The following DPCD variants were observed in gnomAD, a reference collection of about 807,000 sequenced individuals.
DPCD encodes deleted in primary ciliary dyskinesia homolog (mouse), also known as protein DPCD.
In DPCD, 20 loss-of-function variants were observed where a neutral mutation model predicts 26.4. The observed-to-expected ratio is 0.76, with a 90% CI of 0.53 to 1.10. The LOEUF (loss-of-function observed/expected upper bound fraction) is 1.10, where lower values mean the gene tolerates loss of function less well. DPCD is among the 50% of genes least tolerant of loss of function. DPCD has a pLI of 0.00. For missense variants in DPCD, 202 were observed against 253.9 expected, an observed-to-expected ratio of 0.80 and a Z score of 1.39; for synonymous variants, 97 against 94.2, an observed-to-expected ratio of 1.03 and a Z score of -0.17.
At chr10:101,605,276 G>T (rs1173474968) in intron 4 of DPCD, 17 of 1,541,504 alleles carry the variant, frequency 1.1e-5, no homozygotes, top group Non-Finnish European at 1.5e-5. Flanking sequence ...AGCCTCCAGA[G>T]TCTCTCTCCC....
In DPCD at chr10:101,588,383, C is replaced by T; in HGVS notation, c.47C>T (p.Thr16Ile). 6.3e-7 allele frequency: 1 copy of T among 1,597,152 alleles called. No homozygotes were observed. The highest frequency in any genetic ancestry group is 8.5e-7 in the Non-Finnish European group (1 of 1,170,418). ...WLESLRTAQK[T>I]ALLQDGRRKV... is the part of the protein sequence containing the mutation. ...GAGAGTCTGCGGACAGCCCAGAAGACTGCGCTGCTGCAGGACGGTAACTCG... is the reference window on the plus strand; with the variant it reads ...GAGAGTCTGCGGACAGCCCAGAAGATTGCGCTGCTGCAGGACGGTAACTCG... Residue 16 changes from threonine (T) to isoleucine (I), a missense_variant, in exon 1 of 6, where the codon ACT (threonine) becomes ATT (isoleucine). By Grantham distance (89) the Thr-to-Ile change is moderately conservative (BLOSUM62 -1). Transcript: ENST00000370151.
chr10:101,590,956 C>T (rs146608711), intron 1 of DPCD, among the ~76,000 whole-genome samples: 8 of 152,278 alleles, frequency 5.3e-5, no homozygotes, highest in South Asian at 2.1e-4. Context: ...TGGATACTTC[C>T]AGCTGTGCCA....
chr10:101,588,473 G>A (rs2063521338), intron 1 of DPCD, 73 bp downstream of exon 1: 3 of 1,539,350 alleles, frequency 1.9e-6, no homozygotes, highest in Non-Finnish European at 2.6e-6. Context: ...GGGCCTCAGG[G>A]CCTGGGTCGG....
intron 1 of DPCD, among the ~76,000 whole-genome samples, chr10:101,593,941 C>G (rs995958673): frequency 6.6e-6 from 1 of 152,046 alleles, no homozygotes; most frequent in African/African-American, 2.4e-5. Context: ...TTTAGGAAAC[C>G]ATAGCATGGG....
intron 2 of DPCD, chr10:101,596,689 C>T (rs1446550354): frequency 6.6e-6 from 1 of 152,176 alleles, no homozygotes; most frequent in East Asian, 1.9e-4. Context: ...ACTCTTCTTC[C>T]TATCCACCAC....
intron 5 of DPCD, 157 bp downstream of exon 5, chr10:101,609,094 G>A: frequency 1.4e-6 from 1 of 704,410 alleles, no homozygotes; most frequent in Admixed American, 2.5e-5. Flanking sequence ...GGGGAGAGCA[G>A]GGAGGGGGCT....
chr10:101,591,981 C>T (rs972497659), intron 1 of DPCD, among the ~76,000 whole-genome samples: 23 of 152,062 alleles, frequency 1.5e-4, no homozygotes, highest in African/African-American at 4.8e-4. Context: ...CCGCCTCGCC[C>T]AGCCCATAAT....
Position 101,600,731 on chromosome 10 carries a change from TC to T in DPCD, c.146-3del. On this transcript the variant is annotated splice_polypyrimidine_tract_variant and splice_region_variant and intron_variant, in intron 2 of 5. Coordinates refer to ENST00000370151, the MANE Select transcript of DPCD (RefSeq NM_015448.3). The surrounding 1 kb of genome is among the most constrained non-coding windows in gnomAD (Gnocchi z 4.7). ...CTTCTCATCCCGATGCTTGCTTCTC[TC>T]CCCAGTGAGAAAGTGGCGTGTGAAA... The T allele has an allele frequency of 1.2e-6, 2 of 1,611,288 alleles. No individual in the cohort carries two copies. The highest frequency in any genetic ancestry group is 1.7e-6 in the Non-Finnish European group (2 of 1,178,864).
At chr10:101,598,718 A>G (rs2063671801) in intron 2 of DPCD, among the ~76,000 whole-genome samples, 3 of 134,266 alleles carry the variant, frequency 2.2e-5, no homozygotes, top group Admixed American at 9.2e-5. Flanking sequence ...TCCACCTCCC[A>G]GGTTCAAGCG....
At chr10:101,607,353 C>T (rs770883735) in intron 4 of DPCD, among the ~76,000 whole-genome samples, 4 of 152,312 alleles carry the variant, frequency 2.6e-5, no homozygotes, top group Non-Finnish European at 4.4e-5. Flanking sequence ...ATTCCATCCC[C>T]GGTTTGCAGG....
At position 101,609,541 on chromosome 10, in the gene DPCD, C is replaced by G; in HGVS notation, c.*70C>G. The G allele has an allele frequency of 1.4e-6, 2 of 1,392,194 alleles. No homozygotes were observed. Among genetic ancestry groups the G allele is most frequent in the Non-Finnish European group, 1.0e-6 (1 of 996,188 alleles). The allele number at this position is 1,392,194 out of a possible 1,614,324, so 86.2% of individuals were successfully genotyped here. A position where few individuals can be genotyped will look rare whatever the true frequency, so the allele number is the denominator to read the frequency against. ...ACTTCAAGGCTTGGCCCTTCTTGACCACGGCAGCCTCCTGTCTTCTAGGAG... is the reference window on the plus strand; with the variant it reads ...ACTTCAAGGCTTGGCCCTTCTTGACGACGGCAGCCTCCTGTCTTCTAGGAG... On this transcript the variant is annotated 3_prime_UTR_variant, in exon 6 of 6. Coordinates refer to ENST00000370151, the MANE Select transcript of DPCD (RefSeq NM_015448.3).
rs983227979 is a variant in DPCD at position 101,600,300 on chromosome 10, C to T, written c.146-438C>T. Among the ~76,000 whole-genome samples, 2 of 152,120 alleles carry T rather than the reference C, an allele frequency of 1.3e-5. No individual in the cohort carries two copies. Among genetic ancestry groups the T allele is most frequent in the Non-Finnish European group, 2.9e-5 (2 of 68,020 alleles). On this transcript the variant is annotated intron_variant, in intron 2 of 5. Coordinates refer to ENST00000370151, the MANE Select transcript of DPCD (RefSeq NM_015448.3). This position sits in a 1 kb window ranked among gnomAD's most constrained non-coding sequence, Gnocchi z 4.7. ...ACAGACCTGCCGAACAGCTTTCACC[C>T]TCTTAATTATTTTTTCCTCTGCATG...
At chr10:101,605,362 G>C in intron 4 of DPCD, 1 of 1,215,632 alleles carries the variant, frequency 8.2e-7, no homozygotes, top group Non-Finnish European at 1.1e-6. Flanking sequence ...AGAGTGGTGG[G>C]AGGCAATAGA....
In DPCD at chr10:101,609,571, C is replaced by A; in HGVS notation, c.*100C>A. 1 of 1,034,774 alleles carries A rather than the reference C, an allele frequency of 9.7e-7. No individual in the cohort carries two copies. The highest frequency in any genetic ancestry group is 2.5e-5 in the East Asian group (1 of 39,650). The allele number at this position is 1,034,774 out of a possible 1,614,324, so 64.1% of individuals were successfully genotyped here. On this transcript the variant is annotated 3_prime_UTR_variant, in exon 6 of 6. Coordinates refer to ENST00000370151, the MANE Select transcript of DPCD (RefSeq NM_015448.3). ...CAGCCTCCTGTCTTCTAGGAGCTATCAAGGGTCTCTAAGAACTGGGCATGG... is the reference window on the plus strand; with the variant it reads ...CAGCCTCCTGTCTTCTAGGAGCTATAAAGGGTCTCTAAGAACTGGGCATGG...
At chr10:101,599,886 A>G (rs1399526729) in intron 2 of DPCD, among the ~76,000 whole-genome samples, 1 of 152,194 alleles carries the variant, frequency 6.6e-6, no homozygotes, top group East Asian at 1.9e-4. Context: ...GGGGGATAGG[A>G]GGTCATGGCT....
At chr10:101,601,083 G>C (rs928481484) in intron 3 of DPCD, 120 bp from the exon 4 acceptor site, 1 of 1,512,520 alleles carries the variant, frequency 6.6e-7, no homozygotes, top group African/African-American at 1.4e-5. Context: ...CAATAGCAGC[G>C]TCAGAGGGGA....
chr10:101,600,878 C>T lies in DPCD; in HGVS notation c.270+16C>T. On this transcript the variant is annotated intron_variant, in intron 3 of 5. Transcript: ENST00000370151. The surrounding 1 kb of genome is among the most constrained non-coding windows in gnomAD (Gnocchi z 4.7). ...CAATGCCAATGTACGTCCATCTGTC[C>T]AGGTGTCTTGCACGGACTGAGGTGG... is the stretch of plus-strand genomic sequence containing the variant. 6.2e-7 allele frequency: 1 copy of T among 1,613,910 alleles called. No homozygotes were observed.
At position 101,609,492 on chromosome 10, in the gene DPCD, C is replaced by T; in HGVS notation, c.*21C>T. 2 of 1,607,516 alleles carry T rather than the reference C, an allele frequency of 1.2e-6. No individual in the cohort carries two copies. Among genetic ancestry groups the T allele is most frequent in the East Asian group, 2.2e-5 (1 of 44,804 alleles). On this transcript the variant is annotated 3_prime_UTR_variant, in exon 6 of 6. Coordinates refer to ENST00000370151, the MANE Select transcript of DPCD (RefSeq NM_015448.3). The stretch of plus-strand genomic sequence containing the variant: ...AGTAGTTGGCCCCTGAGCCTTATAC[C>T]TCCACCACAGGGGGTGCCGTGAGAC...
rs2063736264 is a variant in DPCD, at chr10:101,606,852, A to T, written c.405-1983A>T. On this transcript the variant is annotated intron_variant, in intron 4 of 5. Transcript: ENST00000370151. ...TGAGAAGGGGGTGGGCTTCCCCAGG[A>T]GGAGAAAAGGCAGATGCTCCCTACT... Among the ~76,000 whole-genome samples the T allele has an allele frequency of 2.0e-5, 3 of 151,956 alleles. No homozygotes were observed. In the South Asian group the frequency reaches 6.2e-4, roughly 32 times the overall value.
Sources: gnomAD v4.1 joint callset for allele counts (sites outside exome capture counted in the v4.1 genomes callset) on GRCh38, gnomAD v4.1.1 for gene constraint, Gnocchi (gnomAD v3.1) non-coding constraint, MANE v1.5 for transcripts, NCBI Gene and HGNC (gene_info 2026-07-23, HGNC 2026-07-21) for gene names.